Variants in VSX1 observed in about 807,000 individuals in gnomAD.
VSX1 encodes homeodomain protein RINX.
In VSX1, 23 loss-of-function variants were observed where a neutral mutation model predicts 23.6. The observed-to-expected ratio is 0.97, with a 90% CI of 0.70 to 1.38. The LOEUF (loss-of-function observed/expected upper bound fraction) is 1.38, where lower values mean the gene tolerates loss of function less well. Among genes scored for constraint, VSX1 ranks in the 40% most tolerant of loss-of-function variants. The probability of loss-of-function intolerance (pLI) is 0.00; values close to 1 mark genes in which losing one functional copy is unlikely to be tolerated. For missense variants in VSX1, 517 were observed against 495.4 expected (o/e 1.04, Z -0.41); for synonymous variants, 247 against 215.1 (o/e 1.15, Z -1.30).
chr20:25,081,741 G>C lies in VSX1; in HGVS notation c.356C>G (p.Pro119Arg), dbSNP rs1231346693. The change falls in exon 1 of 5, where the codon CCG (proline) becomes CGG (arginine). Residue 119 changes from proline to arginine, a missense_variant. Physicochemically the swap from Pro to Arg is moderately radical, Grantham distance 103. Transcript: ENST00000376709. ...AGGCGGCGGACGGCTGGGAGCCAGCGGGGCAGCGGGCTCGGGGCCCCTGGG... is the reference window on the plus strand; with the variant it reads ...AGGCGGCGGACGGCTGGGAGCCAGCCGGGCAGCGGGCTCGGGGCCCCTGGG... ...LPPRGPEPAA[P>R]LAPSRPPPAL... is the part of the protein sequence containing the mutation. The C allele has an allele frequency of 6.7e-7, 1 of 1,499,852 alleles. No homozygotes were observed. Among genetic ancestry groups the C allele is most frequent in the African/African-American group, 1.4e-5 (1 of 69,442 alleles). The allele number at this position is 1,499,852 out of a possible 1,614,324, so 92.9% of individuals were successfully genotyped here.
intron 4 of VSX1, among the ~76,000 whole-genome samples, 171 bp from the exon 5 acceptor site, chr20:25,076,721 A>T (rs2089502024): frequency 6.6e-6 from 1 of 152,216 alleles, no homozygotes; most frequent in South Asian, 2.1e-4. Context: ...TAGGGGTTTA[A>T]AGCAGGTGTC....
chr20:25,079,070 T>A, intron 2 of VSX1, 118 bp from the exon 3 acceptor site: 1 of 1,198,406 alleles, frequency 8.3e-7, no homozygotes, highest in Non-Finnish European at 1.2e-6. Flanking sequence ...AGCCACTTCA[T>A]GATAATGGAA....
At chr20:25,081,563 T>A in intron 1 of VSX1, 110 bp downstream of exon 1, 1 of 1,509,712 alleles carries the variant, frequency 6.6e-7, no homozygotes, top group Non-Finnish European at 9.1e-7. Flanking sequence ...GCTCCCCGCC[T>A]AGATCTGGGC....
In VSX1 at chr20:25,081,729, C is replaced by A. The variant is rs2122904770; in HGVS notation, c.368G>T (p.Ser123Ile). 4.0e-6 allele frequency: 6 copies of A among 1,501,924 alleles called. No homozygotes were observed. Among genetic ancestry groups the A allele is most frequent in the Non-Finnish European group, 5.3e-6 (6 of 1,133,272 alleles). The allele number at this position is 1,501,924 out of a possible 1,614,324, so 93.0% of individuals were successfully genotyped here. ...GCGGCCGAGCGCAGGCGGCGGACGG[C>A]TGGGAGCCAGCGGGGCAGCGGGCTC... Reference protein sequence around the residue: ...GPEPAAPLAPSRPPPALGRQK... With the variant: ...GPEPAAPLAPIRPPPALGRQK... The change falls in exon 1 of 5, where the codon AGC becomes ATC. Residue 123 changes from serine (S) to isoleucine (I), a missense_variant. Transcript: ENST00000376709.
In VSX1 at chr20:25,077,799, T is replaced by C. The variant is rs2089538523; in HGVS notation, c.694A>G (p.Met232Val). Residue 232 changes from methionine (M) to valine (V), a missense_variant, in exon 4 of 5, where the codon ATG becomes GTG. Coordinates refer to ENST00000376709, the MANE Select transcript of VSX1 (RefSeq NM_014588.6). ...GCCCCGTACAGCCCGTACTCGGCCA[T>C]CACGCTGCTGCCGCCCCAGCGCTTC... ...REKRWGGSSV[M>V]AEYGLYGAMV... 1.9e-6 allele frequency: 3 copies of C among 1,551,272 alleles called. No individual in the cohort carries two copies. Among genetic ancestry groups the C allele is most frequent in the Non-Finnish European group, 2.6e-6 (3 of 1,147,052 alleles).
chr20:25,071,203 G>C (rs764559438), downstream of VSX1: 1 of 453,208 alleles, frequency 2.2e-6, no homozygotes, highest in South Asian at 1.6e-5. Context: ...TCACATGGGT[G>C]CCAAGCTGAG....
chr20:25,082,141 C>G lies in VSX1; in HGVS notation c.-45G>C. On this transcript the variant is annotated 5_prime_UTR_variant, in exon 1 of 5. Transcript: ENST00000376709. ...CGCGAGCCTCTCTGGATCCCGTTTG[C>G]GGAGGGCCCAGCTTAGAGGAAGCTT... 2.6e-6 allele frequency: 4 copies of G among 1,535,470 alleles called. No individual in the cohort carries two copies. The highest frequency in any genetic ancestry group is 3.5e-6 in the Non-Finnish European group (4 of 1,146,718).
At chr20:25,081,630 C>A in intron 1 of VSX1, 43 bp downstream of exon 1, 1 of 1,535,906 alleles carries the variant, frequency 6.5e-7, no homozygotes, top group Non-Finnish European at 8.7e-7. Context: ...CGGCTCAGAG[C>A]CTAGGGGACA....
downstream of VSX1, among the ~76,000 whole-genome samples, chr20:25,073,534 GGGGC>G (rs2089425092): frequency 6.6e-6 from 1 of 152,142 alleles, no homozygotes; most frequent in Admixed American, 6.5e-5. Context: ...AAAAAGAGCG[GGGGC>G]TGGCCACGAC....
chr20:25,077,849 C>T lies in VSX1; in HGVS notation c.644G>A (p.Arg215His). ...EDRIQVWFQN[R>H]RAKWRKREKR... ...CTCCCGCTTGCGCCATTTGGCCCTGCGGTTTTGAAACCAGACCTGGTTGGA... is the reference window on the plus strand; with the variant it reads ...CTCCCGCTTGCGCCATTTGGCCCTGTGGTTTTGAAACCAGACCTGGTTGGA... The change falls in exon 4 of 5, where the codon CGC becomes CAC. Residue 215 changes from arginine (R) to histidine (H), a missense_variant. Coordinates refer to ENST00000376709, the MANE Select transcript of VSX1 (RefSeq NM_014588.6). 6.4e-7 allele frequency: 1 copy of T among 1,551,950 alleles called. No homozygotes were observed. Among genetic ancestry groups the T allele is most frequent in the Non-Finnish European group, 8.7e-7 (1 of 1,147,278 alleles).
chr20:25,078,696 C>A, intron 3 of VSX1, 133 bp downstream of exon 3: 1 of 1,609,898 alleles, frequency 6.2e-7, no homozygotes, highest in Non-Finnish European at 8.5e-7. Context: ...GTGCCTTCAG[C>A]TAAGGGACCC....
chr20:25,078,956 C>A lies in VSX1; in HGVS notation c.504-4G>T. The stretch of plus-strand genomic sequence containing the variant: ...CTGGTGAGCAGTGAAAACTGTCCTG[C>A]AAGGACCCCAAAACACACAGGTGGG... On this transcript the variant is annotated splice_region_variant and splice_polypyrimidine_tract_variant and intron_variant, in intron 2 of 4. Coordinates refer to ENST00000376709, the MANE Select transcript of VSX1 (RefSeq NM_014588.6). 1 of 1,613,474 alleles carries A rather than the reference C, an allele frequency of 6.2e-7. No individual in the cohort carries two copies. The highest frequency in any genetic ancestry group is 1.1e-5 in the South Asian group (1 of 91,038).
intron 3 of VSX1, 60 bp from the exon 4 acceptor site, chr20:25,077,925 G>A: frequency 6.5e-7 from 1 of 1,536,994 alleles, no homozygotes; most frequent in Non-Finnish European, 8.8e-7. Context: ...GGGGCGCCTG[G>A]AGGAGCGGAG....
chr20:25,081,112 G>C (rs900127328), intron 1 of VSX1, among the ~76,000 whole-genome samples: 1 of 152,252 alleles, frequency 6.6e-6, no homozygotes, highest in Non-Finnish European at 1.5e-5. Flanking sequence ...CTCCTGCACA[G>C]GGGACTGGGA....
Position 25,077,681 on chromosome 20 carries a change from T to G in VSX1, c.808+4A>C. Reference sequence around the variant, plus strand: ...GCCGTGCGATCCCGGGGGCCCTTCCTTACCCAGGAGCCAGGGCGCGCAGGA... The same window carrying G: ...GCCGTGCGATCCCGGGGGCCCTTCCGTACCCAGGAGCCAGGGCGCGCAGGA... On this transcript the variant is annotated splice_donor_region_variant and intron_variant, in intron 4 of 4. Transcript: ENST00000376709. 1 of 1,547,022 alleles carries G rather than the reference T, an allele frequency of 6.5e-7. No homozygotes were observed. The highest frequency in any genetic ancestry group is 8.7e-7 in the Non-Finnish European group (1 of 1,146,744).
rs1399158417 is a variant in VSX1 at position 25,077,679 on chromosome 20, C to T, written c.808+6G>A. Reference sequence around the variant, plus strand: ...GAGCCGTGCGATCCCGGGGGCCCTTCCTTACCCAGGAGCCAGGGCGCGCAG... The same window carrying T: ...GAGCCGTGCGATCCCGGGGGCCCTTTCTTACCCAGGAGCCAGGGCGCGCAG... On this transcript the variant is annotated splice_donor_region_variant and intron_variant, in intron 4 of 4. Transcript: ENST00000376709. The T allele has an allele frequency of 3.2e-6, 5 of 1,546,552 alleles. No individual in the cohort carries two copies. In the East Asian group the frequency reaches 9.8e-5, roughly 30 times the overall value.
downstream of VSX1, chr20:25,070,901 T>C: frequency 2.5e-6 from 1 of 407,088 alleles, no homozygotes; most frequent in South Asian, 1.8e-5. Context: ...TCAATTAAAA[T>C]TTAATTAATT....
chr20:25,077,693 C>CG lies in VSX1; in HGVS notation c.799_800insC (p.Trp267SerfsTer7). ...CGGGGGCCCTTCCTTACCCAGGAGC[C>CG]AGGGCGCGCAGGAGCCCAGCAGGCC... On this transcript the variant is annotated frameshift_variant, in exon 4 of 5. Transcript: ENST00000376709. LOFTEE classifies it low-confidence loss of function (END_TRUNC). 3.2e-6 allele frequency: 5 copies of CG among 1,548,514 alleles called. No homozygotes were observed. The highest frequency in any genetic ancestry group is 4.4e-6 in the Non-Finnish European group (5 of 1,146,784).
chr20:25,076,204 A>G lies in VSX1; in HGVS notation c.*57T>C. On this transcript the variant is annotated 3_prime_UTR_variant, in exon 5 of 5. Transcript: ENST00000376709. ...GTCTTGGACAATTTTTGTCTTTTGG[A>G]AAATGCCAGTGAGGAATATGCACAT... is the stretch of plus-strand genomic sequence containing the variant. 1.2e-6 allele frequency: 2 copies of G among 1,611,048 alleles called. No individual in the cohort carries two copies. Among genetic ancestry groups the G allele is most frequent in the Non-Finnish European group, 8.5e-7 (1 of 1,179,052 alleles).
Sources: gnomAD v4.1 joint callset for allele counts (sites outside exome capture counted in the v4.1 genomes callset) on GRCh38, gnomAD v4.1.1 for gene constraint, MANE v1.5 for transcripts, NCBI Gene and HGNC (gene_info 2026-07-23, HGNC 2026-07-21) for gene names.